Variants in TCF4 observed in about 807,000 individuals in gnomAD.
TCF4 encodes the protein transcription factor 4.
Under a neutral mutation model 82.1 loss-of-function variants are expected in TCF4, and 3 were observed. The ratio of observed to expected loss-of-function variants is 0.04; its 90% CI spans 0.02 to 0.09. TCF4 has a LOEUF of 0.09. Among genes scored for constraint, TCF4 ranks in the 10% least tolerant of loss-of-function variants. The pLI, the probability that TCF4 is intolerant of heterozygous loss-of-function variation, is 1.00. For missense variants in TCF4, 518 were observed against 852.7 expected (o/e 0.61, Z 4.89); for synonymous variants, 276 against 309.6 (o/e 0.89, Z 1.14).
chr18:55,555,796 A>T (rs2097298521), intron 3 of TCF4, among the ~76,000 whole-genome samples: 1 of 152,050 alleles, frequency 6.6e-6, no homozygotes, highest in African/African-American at 2.4e-5. Context: ...TAGCTGTCTA[A>T]ATCCATTATC....
Position 55,428,450 on chromosome 18 carries a change from C to A in TCF4, c.305-24932G>T, listed in dbSNP as rs550975036. ...CACTCAGACATCTCTGATCTGCACA[C>A]CCTTAAATTCAACTGTCTACTTCAT... On this transcript the variant is annotated intron_variant, in intron 5 of 19. Coordinates refer to ENST00000354452, the MANE Select transcript of TCF4 (RefSeq NM_001083962.2). Among the ~76,000 whole-genome samples, 4 of 152,314 alleles carry A rather than the reference C, an allele frequency of 2.6e-5. No individual in the cohort carries two copies. The South Asian group carries it at 8.3e-4, about 32-fold the overall frequency.
intron 6 of TCF4, among the ~76,000 whole-genome samples, chr18:55,372,156 T>C (rs561479373): frequency 2.6e-5 from 4 of 152,240 alleles, no homozygotes; most frequent in African/African-American, 9.6e-5. Context: ...GGTGTGTGTG[T>C]ATGTGTGTGT....
At chr18:55,617,448 T>G (rs1234989335) in intron 2 of TCF4, among the ~76,000 whole-genome samples, 1 of 152,176 alleles carries the variant, frequency 6.6e-6, no homozygotes, top group African/African-American at 2.4e-5. Flanking sequence ...TCTAGGATTT[T>G]TTTTTCCATT....
chr18:55,259,560 A>G (rs539140582), intron 13 of TCF4: 108 of 167,890 alleles, frequency 6.4e-4, no homozygotes, highest in African/African-American at 2.3e-3. Context: ...TGATCCATTT[A>G]AATAGTCTAT....
At chr18:55,321,418 A>C in intron 8 of TCF4, 8 of 548,924 alleles carry the variant, frequency 1.5e-5, no homozygotes, top group East Asian at 6.2e-5. Flanking sequence ...CTTTCGCTCT[A>C]GGATCCACTC....
intron 14 of TCF4, among the ~76,000 whole-genome samples, chr18:55,256,747 C>G (rs2056944853): frequency 6.6e-6 from 1 of 152,090 alleles, no homozygotes; most frequent in Non-Finnish European, 1.5e-5. Context: ...TTTCTGGCCC[C>G]CACCATCATG....
intron 6 of TCF4, among the ~76,000 whole-genome samples, chr18:55,370,270 G>C (rs2088609078): frequency 6.6e-6 from 1 of 152,136 alleles, no homozygotes; most frequent in Non-Finnish European, 1.5e-5. Context: ...GCCAGGTATG[G>C]TGGTGCACAC....
At chr18:55,507,094 CTCAGGTGAT>C (rs1379855388) in intron 3 of TCF4, among the ~76,000 whole-genome samples, 1 of 152,176 alleles carries the variant, frequency 6.6e-6, no homozygotes, top group Non-Finnish European at 1.5e-5. Flanking sequence ...ATCTCTTGAC[CTCAGGTGAT>C]CCGCCCGCCT....
intron 3 of TCF4, among the ~76,000 whole-genome samples, chr18:55,549,791 G>C (rs1328901539): frequency 6.6e-6 from 1 of 152,046 alleles, no homozygotes; most frequent in Admixed American, 6.6e-5. Context: ...ATATAGATAG[G>C]AATTTTTCAG....
At chr18:55,424,858 C>G (rs531596859) in intron 5 of TCF4, among the ~76,000 whole-genome samples, 6 of 152,264 alleles carry the variant, frequency 3.9e-5, no homozygotes, top group East Asian at 3.9e-4. Context: ...TTAGGAGATG[C>G]CTGCTCATCC....
intron 6 of TCF4, among the ~76,000 whole-genome samples, chr18:55,391,366 T>C (rs186602685): frequency 6.6e-6 from 1 of 152,322 alleles, no homozygotes. Flanking sequence ...TATATATATT[T>C]TTTAATTTTC....
chr18:55,608,364 A>T (rs962295812), intron 2 of TCF4, among the ~76,000 whole-genome samples: 4 of 137,716 alleles, frequency 2.9e-5, no homozygotes, highest in South Asian at 4.7e-4. Context: ...GCATCTTGCC[A>T]CAGTATTTTT....
intron 8 of TCF4, among the ~76,000 whole-genome samples, chr18:55,322,768 ATC>A (rs1222703734): frequency 6.6e-6 from 1 of 152,206 alleles, no homozygotes; most frequent in Non-Finnish European, 1.5e-5. Context: ...GCTTTAGACA[ATC>A]TACTGCAACT....
chr18:55,484,456 A>G (rs1208460968), intron 3 of TCF4, among the ~76,000 whole-genome samples: 2 of 152,240 alleles, frequency 1.3e-5, no homozygotes, highest in East Asian at 3.8e-4. Context: ...CCAAGGCAAG[A>G]ATAAGTAATC....
At chr18:55,572,062 C>G (rs1246826801) in intron 3 of TCF4, among the ~76,000 whole-genome samples, 1 of 152,124 alleles carries the variant, frequency 6.6e-6, no homozygotes, top group Admixed American at 6.5e-5. Context: ...ACTATGCTAC[C>G]AATTCACCTG....
intron 10 of TCF4, among the ~76,000 whole-genome samples, chr18:55,274,073 T>A (rs1406925878): frequency 6.6e-6 from 1 of 152,192 alleles, no homozygotes; most frequent in Non-Finnish European, 1.5e-5. Context: ...CTTTTATTTG[T>A]AATCAAAACT....
chr18:55,554,709 G>A (rs1280882918), intron 3 of TCF4, among the ~76,000 whole-genome samples: 1 of 152,140 alleles, frequency 6.6e-6, no homozygotes, highest in Non-Finnish European at 1.5e-5. Flanking sequence ...ACAACCCCAG[G>A]GGGTGCCATG....
At chr18:55,488,248 A>G (rs2145742870) in intron 3 of TCF4, among the ~76,000 whole-genome samples, 1 of 152,364 alleles carries the variant, frequency 6.6e-6, no homozygotes, top group African/African-American at 2.4e-5. Flanking sequence ...TGTGACACAC[A>G]TACATTCCGT....
intron 5 of TCF4, among the ~76,000 whole-genome samples, chr18:55,445,045 A>G (rs2095502186): frequency 6.6e-6 from 1 of 152,166 alleles, no homozygotes; most frequent in Non-Finnish European, 1.5e-5. Flanking sequence ...TCCTCTTGGA[A>G]TTGCCTTAAT....
Sources: allele counts gnomAD v4.1 joint callset (sites outside exome capture counted in the v4.1 genomes callset), GRCh38; gene constraint gnomAD v4.1.1; transcripts MANE v1.5; gene names NCBI Gene and HGNC (gene_info 2026-07-23, HGNC 2026-07-21).